The following SEC31A variants were observed in gnomAD, a reference collection of about 807,000 sequenced individuals.
SEC31A encodes protein transport protein Sec31A.
In SEC31A, 70 loss-of-function variants were observed where a neutral mutation model predicts 151.0. The observed-to-expected ratio is 0.46, with a 90% CI of 0.38 to 0.57. The LOEUF is 0.57. Among genes scored for constraint, SEC31A ranks in the 20% least tolerant of loss-of-function variants. The pLI, the probability that SEC31A is intolerant of heterozygous loss-of-function variation, is 0.00. For synonymous variants in SEC31A, 475 were observed against 505.9 expected (o/e 0.94, Z 0.82); for missense variants, 1,330 against 1,471.2 (o/e 0.90, Z 1.57).
chr4:82,824,548 T>C lies in SEC31A; in HGVS notation c.3411+7A>G. ...GCAAAATATGATTTAAAAAAATAAA[T>C]ACATACAGGGTCTGTTGCTGAAGAA... On this transcript the variant is annotated splice_region_variant and intron_variant, in intron 25 of 26. Coordinates refer to ENST00000395310, the MANE Select transcript of SEC31A (RefSeq NM_001077207.4). 1.9e-6 allele frequency: 3 copies of C among 1,608,294 alleles called. No homozygotes were observed. The highest frequency in any genetic ancestry group is 2.5e-6 in the Non-Finnish European group (3 of 1,178,550).
At position 82,856,977 on chromosome 4, in the gene SEC31A, G is replaced by A. The variant is rs201385755; in HGVS notation, c.1856C>T (p.Ala619Val). Residue 619 changes from alanine to valine, a missense_variant, in exon 16 of 27, where the codon GCA becomes GTA. Physicochemically the swap from Ala to Val is moderately conservative, Grantham distance 64 (BLOSUM62 0). Coordinates refer to ENST00000395310, the MANE Select transcript of SEC31A (RefSeq NM_001077207.4). ...LLARTQKKYF[A>V]KSQSKITRLI... is the part of the protein sequence containing the mutation. ...CCTGGTAATTTTGCTTTGGGATTTT[G>A]CGAAGTATTTTTTCTGGGTTCGAGC... 3.1e-6 allele frequency: 5 copies of A among 1,607,364 alleles called. No individual in the cohort carries two copies. In the Admixed American group the frequency reaches 5.2e-5, roughly 17 times the overall value.
At chr4:82,858,976 CA>C (rs1351485908) in intron 14 of SEC31A, among the ~76,000 whole-genome samples, 1 of 152,212 alleles carries the variant, frequency 6.6e-6, no homozygotes, top group African/African-American at 2.4e-5. Context: ...GCTGGGATTA[CA>C]GGCGTGAGCC....
intron 1 of SEC31A, among the ~76,000 whole-genome samples, chr4:82,888,374 C>CCA (rs1553938435): frequency 9.3e-5 from 1 of 10,728 alleles, no homozygotes; most frequent in East Asian, 2.0e-3. Context: ...AAAAAAAAAA[C>CCA]ACACAAAAAA....
chr4:82,819,510 A>T (rs1236199926), intron 26 of SEC31A, among the ~76,000 whole-genome samples: 1 of 152,228 alleles, frequency 6.6e-6, no homozygotes, highest in African/African-American at 2.4e-5. Context: ...ACAGAAAAGC[A>T]GCCCGATTTC....
At chr4:82,872,285 G>A (rs1421998121) in intron 6 of SEC31A, among the ~76,000 whole-genome samples, 199 bp from the exon 7 acceptor site, 1 of 152,118 alleles carries the variant, frequency 6.6e-6, no homozygotes, top group African/African-American at 2.4e-5. Flanking sequence ...CCTCCCCCAG[G>A]TTCAAGTGAT....
At chr4:82,846,484 G>A (rs1730251324) in intron 20 of SEC31A, among the ~76,000 whole-genome samples, 2 of 151,176 alleles carry the variant, frequency 1.3e-5, no homozygotes, top group South Asian at 4.2e-4. Flanking sequence ...AAGTTACACT[G>A]AGTGTGCCTG....
chr4:82,852,573 T>G (rs1384158776), intron 18 of SEC31A, among the ~76,000 whole-genome samples: 22 of 140,738 alleles, frequency 1.6e-4, no homozygotes. Context: ...AGGAAAACCT[T>G]GATTTCCTAC....
intron 23 of SEC31A, among the ~76,000 whole-genome samples, chr4:82,828,396 T>G (rs976787491): frequency 2.0e-5 from 3 of 152,130 alleles, no homozygotes; most frequent in Non-Finnish European, 2.9e-5. Flanking sequence ...ACCTAAATAT[T>G]GGGTTTCTTT....
At chr4:82,874,246 C>T (rs1038569572) in intron 6 of SEC31A, among the ~76,000 whole-genome samples, 9 of 150,886 alleles carry the variant, frequency 6.0e-5, no homozygotes, top group Non-Finnish European at 8.8e-5. Context: ...TGCAGTGAGC[C>T]GAGATCACGC....
rs943978805 is a variant in SEC31A at position 82,882,500 on chromosome 4, T to C, written c.-4-560A>G. Among the ~76,000 whole-genome samples the C allele has an allele frequency of 7.3e-5, 11 of 151,422 alleles. No individual in the cohort carries two copies. The East Asian group carries it at 1.9e-3, about 27-fold the overall frequency. On this transcript the variant is annotated intron_variant, in intron 1 of 26. Transcript: ENST00000395310. ...CTGTTTACAGATTATAGTTCTTCAGTTGAATCAGTCTAGAAAAATAGCCCA... is the reference window on the plus strand; with the variant it reads ...CTGTTTACAGATTATAGTTCTTCAGCTGAATCAGTCTAGAAAAATAGCCCA...
At position 82,874,613 on chromosome 4, in the gene SEC31A, T is replaced by C; in HGVS notation, c.637A>G (p.Arg213Gly). The C allele has an allele frequency of 6.2e-7, 1 of 1,606,622 alleles. No individual in the cohort carries two copies. The highest frequency in any genetic ancestry group is 8.5e-7 in the Non-Finnish European group (1 of 1,178,512). Reference sequence around the variant, plus strand: ...TCACAAGTCAATCACATACTTACTCTGTTACTATGGTCACTGACTTTGATG... The same window carrying C: ...TCACAAGTCAATCACATACTTACTCCGTTACTATGGTCACTGACTTTGATG... ...PIIKVSDHSNRMHCSGLAWHP... is the reference protein window; with the variant it reads ...PIIKVSDHSNGMHCSGLAWHP... The change falls in exon 6 of 27, where the codon AGA (arginine) becomes GGA (glycine). Residue 213 changes from arginine to glycine, a missense_variant and splice_region_variant. Coordinates refer to ENST00000395310, the MANE Select transcript of SEC31A (RefSeq NM_001077207.4).
intron 25 of SEC31A, among the ~76,000 whole-genome samples, chr4:82,823,620 C>T (rs939300120): frequency 6.6e-6 from 1 of 152,208 alleles, no homozygotes; most frequent in African/African-American, 2.4e-5. Context: ...TGAAATTTCA[C>T]TTAAGACTGG....
At chr4:82,854,734 G>C (rs1391357735) in intron 17 of SEC31A, among the ~76,000 whole-genome samples, 169 bp downstream of exon 17, 2 of 151,372 alleles carry the variant, frequency 1.3e-5, no homozygotes, top group Non-Finnish European at 2.9e-5. Context: ...AAAAAGAGTA[G>C]GTATGAAGAC....
chr4:82,863,545 G>T (rs973380481), intron 11 of SEC31A, among the ~76,000 whole-genome samples, 153 bp from the exon 12 acceptor site: 1 of 151,938 alleles, frequency 6.6e-6, no homozygotes. Context: ...AGAATAGTGG[G>T]TTTTTTTGTT....
At chr4:82,847,500 T>C (rs1730492536) in intron 20 of SEC31A, among the ~76,000 whole-genome samples, 1 of 152,226 alleles carries the variant, frequency 6.6e-6, no homozygotes, top group Non-Finnish European at 1.5e-5. Flanking sequence ...AAATATTCTC[T>C]TTTCCTAATG....
chr4:82,847,761 C>A (rs1373854599), intron 20 of SEC31A, among the ~76,000 whole-genome samples: 2 of 152,106 alleles, frequency 1.3e-5, no homozygotes, highest in East Asian at 3.8e-4. Context: ...CTGTTTTGTT[C>A]ATAACTATAC....
At chr4:82,845,373 T>C (rs1435659797) in intron 20 of SEC31A, 1 of 750,362 alleles carries the variant, frequency 1.3e-6, no homozygotes, top group East Asian at 3.1e-5. Context: ...CAAAAGGTAT[T>C]AATAGCCAGA....
At chr4:82,830,785 ATT>A (rs1560587839) in intron 22 of SEC31A, among the ~76,000 whole-genome samples, 1 of 152,246 alleles carries the variant, frequency 6.6e-6, no homozygotes, top group Non-Finnish European at 1.5e-5. Flanking sequence ...GTAAAATCTG[ATT>A]CAATTAAGAA....
At chr4:82,891,754 C>T (rs528872702), upstream of SEC31A, among the ~76,000 whole-genome samples, 1 of 152,300 alleles carries the variant, frequency 6.6e-6, no homozygotes, top group African/African-American at 2.4e-5. Flanking sequence ...CCGTTTCATA[C>T]TTGTTACTAT....
Sources: gnomAD v4.1 joint callset for allele counts (sites outside exome capture counted in the v4.1 genomes callset) on GRCh38, gnomAD v4.1.1 for gene constraint, MANE v1.5 for transcripts, NCBI Gene and HGNC (gene_info 2026-07-23, HGNC 2026-07-21) for gene names.